FOXO1: variants seen among roughly 807,000 people sequenced by gnomAD.
FOXO1 encodes the protein forkhead box protein O1.
In FOXO1, 6 loss-of-function variants were observed where a neutral mutation model predicts 44.1. The observed-to-expected ratio is 0.14, with a 90% CI of 0.07 to 0.27. The LOEUF (loss-of-function observed/expected upper bound fraction) is 0.27. FOXO1 is among the 10% of genes least tolerant of loss of function. FOXO1 has a pLI of 1.00. For synonymous variants in FOXO1, 380 were observed against 362.7 expected (o/e 1.05, Z -0.54); for missense variants, 737 against 888.8 (o/e 0.83, Z 2.17).
rs1873871312 is a variant in FOXO1, at chr13:40,558,997, C to A, written c.*52G>T. 2.5e-6 allele frequency: 1 copy of A among 397,078 alleles called. No individual in the cohort carries two copies. The highest frequency in any genetic ancestry group is 1.3e-4 in the South Asian group (1 of 7,762). 24.6% of individuals were successfully genotyped at this position (397,078 alleles called of 1,614,324 possible). Reference sequence around the variant, plus strand: ...CATCTTTGGACTGCTTCTCTCAGTTCCTGCTGTCAGACAATCTGAAGTACT... The same window carrying A: ...CATCTTTGGACTGCTTCTCTCAGTTACTGCTGTCAGACAATCTGAAGTACT... On this transcript the variant is annotated 3_prime_UTR_variant, in exon 3 of 3. Transcript: ENST00000379561.
At chr13:40,601,091 C>CG (rs942230950) in intron 1 of FOXO1, among the ~76,000 whole-genome samples, 1 of 152,160 alleles carries the variant, frequency 6.6e-6, no homozygotes, top group Admixed American at 6.5e-5. Context: ...CCCCACCACC[C>CG]GTTTTCTCTT....
At chr13:40,619,719 T>C in intron 1 of FOXO1, 1 of 1,044,316 alleles carries the variant, frequency 9.6e-7, no homozygotes, top group Non-Finnish European at 1.5e-6. Context: ...AAAATTCAGC[T>C]GAAGGATCTT....
At chr13:40,633,348 T>C (rs993232010) in intron 1 of FOXO1, among the ~76,000 whole-genome samples, 3 of 152,210 alleles carry the variant, frequency 2.0e-5, no homozygotes, top group African/African-American at 7.2e-5. Flanking sequence ...AGCAATAATT[T>C]TGAAATGTGG....
chr13:40,581,755 G>A (rs547884953), intron 1 of FOXO1, among the ~76,000 whole-genome samples: 1 of 152,254 alleles, frequency 6.6e-6, no homozygotes, highest in South Asian at 2.1e-4. Flanking sequence ...GGTCATGTAA[G>A]AACAATACAT....
chr13:40,643,286 G>C (rs1174272135), intron 1 of FOXO1, among the ~76,000 whole-genome samples: 1 of 150,024 alleles, frequency 6.7e-6, no homozygotes, highest in East Asian at 2.0e-4. Context: ...ATGATGCAGT[G>C]AGTCAAGATC....
intron 1 of FOXO1, among the ~76,000 whole-genome samples, chr13:40,564,540 A>C (rs1874184833): frequency 6.6e-6 from 1 of 152,170 alleles, no homozygotes; most frequent in Non-Finnish European, 1.5e-5. Context: ...TTTTGTAAAA[A>C]TGTGTTGCTA....
chr13:40,563,470 G>C (rs1050295777), intron 1 of FOXO1, among the ~76,000 whole-genome samples: 2 of 152,106 alleles, frequency 1.3e-5, no homozygotes, highest in African/African-American at 2.4e-5. Flanking sequence ...TACGTGACAA[G>C]CCCTCCTGCC....
intron 1 of FOXO1, among the ~76,000 whole-genome samples, chr13:40,597,984 G>GCTTTCCCAGCCTCAGAGA (rs1185289839): frequency 5.3e-5 from 8 of 152,162 alleles, no homozygotes; most frequent in Non-Finnish European, 8.8e-5. Context: ...GTCCTCAGAG[G>GCTTTCCCAGCCTCAGAGA]CTTTCCCAGC....
At chr13:40,630,356 G>T (rs1285526007) in intron 1 of FOXO1, among the ~76,000 whole-genome samples, 1 of 152,004 alleles carries the variant, frequency 6.6e-6, no homozygotes, top group Non-Finnish European at 1.5e-5. Context: ...AAAATCATTT[G>T]TCAACATGGA....
chr13:40,591,542 C>T (rs1875369835), intron 1 of FOXO1, among the ~76,000 whole-genome samples: 1 of 152,006 alleles, frequency 6.6e-6, no homozygotes, highest in African/African-American at 2.4e-5. Flanking sequence ...CCAGGTAGGG[C>T]GCCCAAGAGG....
chr13:40,663,151 C>G (rs1408443371), intron 1 of FOXO1, among the ~76,000 whole-genome samples: 1 of 152,012 alleles, frequency 6.6e-6, no homozygotes, highest in Non-Finnish European at 1.5e-5. Context: ...TGGGAGCTGC[C>G]CAAGGGCCTC....
intron 1 of FOXO1, among the ~76,000 whole-genome samples, chr13:40,588,788 T>C (rs1469780176): frequency 1.3e-5 from 2 of 148,908 alleles, no homozygotes; most frequent in Non-Finnish European, 3.0e-5. Context: ...ATAAAAAGAG[T>C]CAAGGACACA....
rs117426870 is a variant in FOXO1, at chr13:40,663,267, T to C, written c.630+2316A>G. 3.1e-4 allele frequency among the ~76,000 whole-genome samples: 47 copies of C among 152,384 alleles called. No individual in the cohort carries two copies. In the East Asian group the frequency reaches 7.5e-3, roughly 24 times the overall value. On this transcript the variant is annotated intron_variant, in intron 1 of 2. Transcript: ENST00000379561. Reference sequence around the variant, plus strand: ...TAAAAAAATCAGAACAAGAACCTGATAAAAATGGTTGTAAAGATGATTTAA... The same window carrying C: ...TAAAAAAATCAGAACAAGAACCTGACAAAAATGGTTGTAAAGATGATTTAA...
At chr13:40,624,433 A>T (rs570139854) in intron 1 of FOXO1, among the ~76,000 whole-genome samples, 28 of 151,964 alleles carry the variant, frequency 1.8e-4, no homozygotes, top group African/African-American at 5.5e-4. Context: ...GCTTTGCTTT[A>T]TAACATCTAA....
intron 1 of FOXO1, among the ~76,000 whole-genome samples, chr13:40,639,617 TTC>T (rs1416926972): frequency 1.3e-5 from 2 of 152,218 alleles, no homozygotes; most frequent in Admixed American, 6.5e-5. Context: ...GGTCAGATAA[TTC>T]TCTGTTATGG....
At chr13:40,582,814 G>A (rs1274339642) in intron 1 of FOXO1, among the ~76,000 whole-genome samples, 1 of 152,174 alleles carries the variant, frequency 6.6e-6, no homozygotes, top group East Asian at 1.9e-4. Context: ...CATCCATGAA[G>A]ACTGGAATCA....
At chr13:40,582,747 T>C (rs573008759) in intron 1 of FOXO1, among the ~76,000 whole-genome samples, 1 of 152,322 alleles carries the variant, frequency 6.6e-6, no homozygotes, top group East Asian at 1.9e-4. Context: ...GTTCTTTTGA[T>C]GTTTTCACCA....
chr13:40,556,367 C>T lies in FOXO1; in HGVS notation c.*2682G>A, dbSNP rs961311930. The T allele has an allele frequency of 3.9e-5, 6 of 152,600 alleles. No individual in the cohort carries two copies. The highest frequency in any genetic ancestry group is 6.5e-5 in the Admixed American group (1 of 15,274). The allele number at this position is 152,600 out of a possible 1,614,324, so 9.5% of individuals were successfully genotyped here. ...ATCTATTACCTAAATATATTCCATA[C>T]GTCTATATTACGGAAACAATACATC... is the stretch of plus-strand genomic sequence containing the variant. On this transcript the variant is annotated 3_prime_UTR_variant, in exon 3 of 3. Coordinates refer to ENST00000379561, the MANE Select transcript of FOXO1 (RefSeq NM_002015.4).
At chr13:40,599,744 T>C (rs1049115874) in intron 1 of FOXO1, among the ~76,000 whole-genome samples, 1 of 152,052 alleles carries the variant, frequency 6.6e-6, no homozygotes, top group Non-Finnish European at 1.5e-5. Flanking sequence ...GAGGAATCTG[T>C]AGGAAAGGAA....
Sources: gnomAD v4.1 joint callset for allele counts (sites outside exome capture counted in the v4.1 genomes callset) on GRCh38, gnomAD v4.1.1 for gene constraint, MANE v1.5 for transcripts, NCBI Gene and HGNC (gene_info 2026-07-23, HGNC 2026-07-21) for gene names.